SPEG: variants seen among roughly 807,000 people sequenced by gnomAD.
The protein encoded by SPEG is striated muscle enriched protein kinase.
A neutral mutation model predicts 300.4 loss-of-function variants in SPEG; 114 were observed. The ratio of observed to expected loss-of-function variants is 0.38; its 90% CI spans 0.33 to 0.44. SPEG has a LOEUF of 0.44. Ranked by LOEUF, SPEG falls within the 20% of genes least tolerant of loss-of-function variation. SPEG has a pLI of 1.00. For synonymous variants in SPEG, 1,964 were observed against 2,018.9 expected (o/e 0.97, Z 0.73); for missense variants, 4,201 against 4,586.2 (o/e 0.92, Z 2.43).
At chr2:219,455,519 C>T (rs564195903) in intron 6 of SPEG, among the ~76,000 whole-genome samples, 1 of 152,206 alleles carries the variant, frequency 6.6e-6, no homozygotes, top group Admixed American at 6.5e-5. Context: ...TAGTGGCTGC[C>T]TTCTTGGGAT....
intron 30 of SPEG, 48 bp downstream of exon 30, chr2:219,485,120 G>A (rs1482917658): frequency 4.0e-6 from 6 of 1,518,968 alleles, no homozygotes; most frequent in Non-Finnish European, 5.3e-6. Context: ...AGGGTGGGGT[G>A]CGCTGGAGAG....
At chr2:219,485,958 C>T (rs1385373140) in intron 31 of SPEG, among the ~76,000 whole-genome samples, 2 of 152,236 alleles carry the variant, frequency 1.3e-5, no homozygotes, top group African/African-American at 2.4e-5. Context: ...TAGGGCCCTC[C>T]TGCCTCCACA....
In SPEG at chr2:219,479,738, T is replaced by C. The variant is rs1366487255; in HGVS notation, c.5086-45T>C. 6.3e-7 allele frequency: 1 copy of C among 1,585,988 alleles called. No individual in the cohort carries two copies. The highest frequency in any genetic ancestry group is 8.7e-7 in the Non-Finnish European group (1 of 1,155,566). ...TTGCCGCCCTGGAGGTGTTCAGACATACACCACCCTTCCCCCTCAGACTCT... is the reference window on the plus strand; with the variant it reads ...TTGCCGCCCTGGAGGTGTTCAGACACACACCACCCTTCCCCCTCAGACTCT... On this transcript the variant is annotated intron_variant, in intron 23 of 40. Coordinates refer to ENST00000312358, the MANE Select transcript of SPEG (RefSeq NM_005876.5). This position sits in a 1 kb window ranked among gnomAD's most constrained non-coding sequence, Gnocchi z 5.5.
In SPEG at chr2:219,477,348, G is replaced by T; in HGVS notation, c.4632G>T (p.Val1544=). ...AGGAGAATGAGTGCTCCCTGGTGGT[G>T]CTCAGCACGGGGGCCCAGGATGGAG... ...VYEENECSLV[V]LSTGAQDGGV... The change falls in exon 20 of 41, where the codon GTG becomes GTT. Residue 1544 remains valine (V), a synonymous_variant. Transcript: ENST00000312358. This position sits in a 1 kb window ranked among gnomAD's most constrained non-coding sequence, Gnocchi z 6.4. 2 of 1,613,564 alleles carry T rather than the reference G, an allele frequency of 1.2e-6. No individual in the cohort carries two copies. Among genetic ancestry groups the T allele is most frequent in the South Asian group, 1.1e-5 (1 of 90,992 alleles).
rs1575131908 is a variant in SPEG, at chr2:219,472,217, C to T, written c.3836-10C>T. The T allele has an allele frequency of 5.0e-6, 8 of 1,612,712 alleles. No homozygotes were observed. Among genetic ancestry groups the T allele is most frequent in the East Asian group, 2.2e-5 (1 of 44,884 alleles). ...TTGGACCCAGCAGACATTCGAACTGCGGCTTTCAGATGTGGTCCCAGGCCC... is the reference window on the plus strand; with the variant it reads ...TTGGACCCAGCAGACATTCGAACTGTGGCTTTCAGATGTGGTCCCAGGCCC... On this transcript the variant is annotated splice_polypyrimidine_tract_variant and intron_variant, in intron 14 of 40. Transcript: ENST00000312358.
In SPEG at chr2:219,488,310, G is replaced by A; in HGVS notation, c.7858G>A (p.Asp2620Asn). 1 of 1,604,310 alleles carries A rather than the reference G, an allele frequency of 6.2e-7. No individual in the cohort carries two copies. The highest frequency in any genetic ancestry group is 8.5e-7 in the Non-Finnish European group (1 of 1,174,216). ...TGCACCGCACATCTCCTGGATGAAA[G>A]GTAAGGAGACTCTGTCTCCCACAGA... is the stretch of plus-strand genomic sequence containing the variant. ...CPAPHISWMK[D>N]KKSLRSEPSV... The change falls in exon 32 of 41, where the codon GAC (aspartate) becomes AAC (asparagine). Residue 2620 changes from aspartate (D) to asparagine (N), a missense_variant and splice_region_variant. Asp to Asn is a conservative substitution (Grantham distance 23). Transcript: ENST00000312358.
chr2:219,444,035 C>T lies in SPEG; in HGVS notation c.389-618C>T, dbSNP rs765385358. 5 of 1,365,788 alleles carry T rather than the reference C, an allele frequency of 3.7e-6. No individual in the cohort carries two copies. Among genetic ancestry groups the T allele is most frequent in the Admixed American group, 3.8e-5 (2 of 52,514 alleles). The allele number at this position is 1,365,788 out of a possible 1,614,324, so 84.6% of individuals were successfully genotyped here. ...CTGCTCCTATGGAAGCGAAGTTTTC[C>T]GCTCCTGCAGAAAGCAAAGTTACGG... On this transcript the variant is annotated intron_variant, in intron 1 of 40. Coordinates refer to ENST00000312358, the MANE Select transcript of SPEG (RefSeq NM_005876.5). This position sits in a 1 kb window ranked among gnomAD's most constrained non-coding sequence, Gnocchi z 7.8.
Position 219,483,766 on chromosome 2 carries a change from C to T in SPEG, c.6303C>T (p.Asp2101=), listed in dbSNP as rs1326101479. Residue 2101 remains aspartate, a synonymous_variant, in exon 30 of 41, where the codon GAC becomes GAT. Coordinates refer to ENST00000312358, the MANE Select transcript of SPEG (RefSeq NM_005876.5). ...AGAGCCTGGGGGGCCGTGCTCGGGA[C>T]CCCCGGATGGCACGAGCTGCCTCCA... ...LLESLGGRAR[D]PRMARAASSE... is the part of the protein sequence containing the mutation. 1.9e-6 allele frequency: 3 copies of T among 1,549,616 alleles called. No individual in the cohort carries two copies. In the East Asian group the frequency reaches 7.2e-5, roughly 37 times the overall value.
In SPEG at chr2:219,451,747, G is replaced by A; in HGVS notation, c.2380G>A (p.Ala794Thr). Reference protein sequence around the residue: ...ARAADAGSYMATATNELGQAT... With the variant: ...ARAADAGSYMTTATNELGQAT... ...GGCAGCAGATGCCGGGAGCTATATG[G>A]CCACCGCCACCAACGAGCTGGGCCA... is the stretch of plus-strand genomic sequence containing the variant. Residue 794 changes from alanine to threonine, a missense_variant, in exon 6 of 41, where the codon GCC becomes ACC. Ala to Thr is a moderately conservative substitution (Grantham distance 58). Coordinates refer to ENST00000312358, the MANE Select transcript of SPEG (RefSeq NM_005876.5). The surrounding 1 kb of genome is among the most constrained non-coding windows in gnomAD (Gnocchi z 6.4). 1 of 1,558,468 alleles carries A rather than the reference G, an allele frequency of 6.4e-7. No individual in the cohort carries two copies. Among genetic ancestry groups the A allele is most frequent in the African/African-American group, 1.4e-5 (1 of 73,586 alleles).
At chr2:219,486,432 G>C (rs1359253738) in intron 31 of SPEG, among the ~76,000 whole-genome samples, 1 of 152,162 alleles carries the variant, frequency 6.6e-6, no homozygotes, top group Non-Finnish European at 1.5e-5. Flanking sequence ...CCTCAGCTGG[G>C]CTTATAGGGA....
At position 219,459,328 on chromosome 2, in the gene SPEG, G is replaced by C; in HGVS notation, c.2441-2554G>C. 6.6e-6 allele frequency among the ~76,000 whole-genome samples: 1 copy of C among 152,222 alleles called. No homozygotes were observed. The highest frequency in any genetic ancestry group is 1.5e-5 in the Non-Finnish European group (1 of 68,034). On this transcript the variant is annotated intron_variant, in intron 6 of 40. Transcript: ENST00000312358. This position sits in a 1 kb window ranked among gnomAD's most constrained non-coding sequence, Gnocchi z 4.9. ...GGTGCAGCAGGGCTGGGATGTCAGG[G>C]ACTGGTTCCAAAGATGGTTTTTGCT... is the stretch of plus-strand genomic sequence containing the variant.
intron 6 of SPEG, among the ~76,000 whole-genome samples, chr2:219,457,877 C>T (rs565534105): frequency 6.6e-6 from 1 of 152,322 alleles, no homozygotes; most frequent in East Asian, 1.9e-4. Flanking sequence ...GAATACTTTT[C>T]CCTTTTTCCT....
At chr2:219,447,213 T>TG (rs35954928) in intron 3 of SPEG, among the ~76,000 whole-genome samples, 11 of 150,568 alleles carry the variant, frequency 7.3e-5, no homozygotes, top group East Asian at 5.9e-4. Context: ...CATATCCCTG[T>TG]GGGGGGGGGC....
intron 38 of SPEG, 36 bp from the exon 39 acceptor site, chr2:219,491,758 G>A: frequency 6.3e-7 from 1 of 1,593,430 alleles, no homozygotes; most frequent in Non-Finnish European, 8.6e-7. Context: ...CCTGCCACCA[G>A]GAAGCTGGGT....
rs536081252 is a variant in SPEG, at chr2:219,444,116, C to T, written c.389-537C>T. ...CATCCCCCCCTTTCCCACCCGGCCC[C>T]GGCCTCTCCTCACCCTGCCTCAGCT... On this transcript the variant is annotated intron_variant, in intron 1 of 40. Coordinates refer to ENST00000312358, the MANE Select transcript of SPEG (RefSeq NM_005876.5). The surrounding 1 kb of genome is among the most constrained non-coding windows in gnomAD (Gnocchi z 7.8). The T allele has an allele frequency of 1.8e-5, 22 of 1,250,008 alleles. No individual in the cohort carries two copies. The African/African-American group carries it at 1.8e-4, about 10-fold the overall frequency. 77.4% of individuals were successfully genotyped at this position (1,250,008 alleles called of 1,614,324 possible). A position where few individuals can be genotyped will look rare whatever the true frequency, so the allele number is the denominator to read the frequency against.
Position 219,479,289 on chromosome 2 carries a change from C to T in SPEG, c.5085+88C>T. The T allele has an allele frequency of 5.3e-6, 6 of 1,139,144 alleles. No individual in the cohort carries two copies. In the South Asian group the frequency reaches 7.7e-5, roughly 15 times the overall value. 70.6% of individuals were successfully genotyped at this position (1,139,144 alleles called of 1,614,324 possible). Reference sequence around the variant, plus strand: ...AACCAACAAATGGGTCCTGAGTGTGCCATCTGTGCCCACAGGAAGCCAGGG... The same window carrying T: ...AACCAACAAATGGGTCCTGAGTGTGTCATCTGTGCCCACAGGAAGCCAGGG... On this transcript the variant is annotated intron_variant, in intron 23 of 40. Transcript: ENST00000312358. This position sits in a 1 kb window ranked among gnomAD's most constrained non-coding sequence, Gnocchi z 5.5.
At chr2:219,446,039 G>A (rs1168166635) in intron 3 of SPEG, among the ~76,000 whole-genome samples, 2 of 151,412 alleles carry the variant, frequency 1.3e-5, no homozygotes, top group Non-Finnish European at 2.9e-5. Flanking sequence ...GGGGGGCCTG[G>A]TTTGTGATGG....
rs764001906 is a variant in SPEG, at chr2:219,448,372, A to T, written c.1214A>T (p.Gln405Leu). ...GGCTCCCGCATCCTGGACAAGCTGC[A>T]GTTCTTCGAGGAGCGACGGCGCAGC... Reference protein sequence around the residue: ...RAGSRILDKLQFFEERRRSLE... With the variant: ...RAGSRILDKLLFFEERRRSLE... Residue 405 changes from glutamine (Q) to leucine (L), a missense_variant, in exon 4 of 41, where the codon CAG (glutamine) becomes CTG (leucine). Gln to Leu is a moderately radical substitution (Grantham distance 113). Transcript: ENST00000312358. The T allele has an allele frequency of 1.3e-6, 2 of 1,569,658 alleles. No individual in the cohort carries two copies. The highest frequency in any genetic ancestry group is 3.7e-5 in the Admixed American group (2 of 53,632).
rs763809679 is a variant in SPEG at position 219,473,031 on chromosome 2, G to A, written c.4082G>A (p.Ser1361Asn). 1 of 1,614,008 alleles carries A rather than the reference G, an allele frequency of 6.2e-7. No homozygotes were observed. The highest frequency in any genetic ancestry group is 8.5e-7 in the Non-Finnish European group (1 of 1,180,018). ...KGVQHIFRVL[S>N]TTVKSSSKPS... ...GTCCAGCACATCTTCCGGGTCCTCA[G>A]CACCACTGTCAAGAGCAGCAGCAAG... Residue 1361 changes from serine (S) to asparagine (N), a missense_variant, in exon 16 of 41, where the codon AGC (serine) becomes AAC (asparagine). Transcript: ENST00000312358. This position sits in a 1 kb window ranked among gnomAD's most constrained non-coding sequence, Gnocchi z 4.6.
Sources: gnomAD v4.1 joint callset for allele counts (sites outside exome capture counted in the v4.1 genomes callset) on GRCh38, gnomAD v4.1.1 for gene constraint, Gnocchi (gnomAD v3.1) non-coding constraint, MANE v1.5 for transcripts, NCBI Gene and HGNC (gene_info 2026-07-23, HGNC 2026-07-21) for gene names.